ZNF562: variants seen among roughly 807,000 people sequenced by gnomAD.
ZNF562 encodes the protein zinc finger protein 562.
A neutral mutation model predicts 17.5 loss-of-function variants in ZNF562; 13 were observed. The observed-to-expected ratio is 0.74, with a 90% CI of 0.48 to 1.18. ZNF562 has a LOEUF of 1.18. Among genes scored for constraint, ZNF562 ranks in the 50% most tolerant of loss-of-function variants. The pLI is 0.00. For missense variants in ZNF562, 481 were observed against 498.5 expected (o/e 0.96, Z 0.33); for synonymous variants, 163 against 165.4 (o/e 0.99, Z 0.11).
In ZNF562 at chr19:9,643,936, AC is replaced by A. The variant is rs1823823789; in HGVS notation, c.*9012del. The stretch of plus-strand genomic sequence containing the variant: ...CTCAGCCTCCCGAGTAGCTAGGAAT[AC>A]ATGCACATGCCACCACGCCCAGCTA... On this transcript the variant is annotated 3_prime_UTR_variant, in exon 6 of 6. Coordinates refer to ENST00000453372, the MANE Select transcript of ZNF562 (RefSeq NM_001130031.2). 1 of 152,014 alleles carries A rather than the reference AC, an allele frequency of 6.6e-6. No individual in the cohort carries two copies. Among genetic ancestry groups the A allele is most frequent in the African/African-American group, 2.4e-5 (1 of 41,402 alleles). 9.4% of individuals were successfully genotyped at this position (152,014 alleles called of 1,614,324 possible).
chr19:9,645,619 C>A lies in ZNF562; in HGVS notation c.*7330G>T, dbSNP rs1309690302. 1 of 152,188 alleles carries A rather than the reference C, an allele frequency of 6.6e-6. No individual in the cohort carries two copies. Among genetic ancestry groups the A allele is most frequent in the East Asian group, 1.9e-4 (1 of 5,198 alleles). 9.4% of individuals were successfully genotyped at this position (152,188 alleles called of 1,614,324 possible). On this transcript the variant is annotated 3_prime_UTR_variant, in exon 6 of 6. Transcript: ENST00000453372. Reference sequence around the variant, plus strand: ...ATAAAAAGGAGAGAGATTGCACCTTCAGAGAGTAATCTCAAGACATCTGTA... The same window carrying A: ...ATAAAAAGGAGAGAGATTGCACCTTAAGAGAGTAATCTCAAGACATCTGTA...
In ZNF562 at chr19:9,643,015, C is replaced by G. The variant is rs886544529; in HGVS notation, c.*9934G>C. The stretch of plus-strand genomic sequence containing the variant: ...TATGATTGCACCACTGCACTCCAGC[C>G]TAGGTGACATGGCAAGACACTGTCT... On this transcript the variant is annotated 3_prime_UTR_variant, in exon 6 of 6. Coordinates refer to ENST00000453372, the MANE Select transcript of ZNF562 (RefSeq NM_001130031.2). 1 of 148,554 alleles carries G rather than the reference C, an allele frequency of 6.7e-6. No homozygotes were observed. The highest frequency in any genetic ancestry group is 2.5e-5 in the African/African-American group (1 of 39,926). The allele number at this position is 148,554 out of a possible 1,614,324, so 9.2% of individuals were successfully genotyped here.
At chr19:9,654,365 T>C (rs2043380440) in intron 5 of ZNF562, among the ~76,000 whole-genome samples, 1 of 152,182 alleles carries the variant, frequency 6.6e-6, no homozygotes, top group Non-Finnish European at 1.5e-5. Context: ...CATGGCTCAC[T>C]GTAACCTCAA....
At chr19:9,656,276 G>A (rs568932949) in intron 5 of ZNF562, among the ~76,000 whole-genome samples, 4 of 152,278 alleles carry the variant, frequency 2.6e-5, no homozygotes, top group South Asian at 2.1e-4. Context: ...TTGGGAGGTC[G>A]AGGCAGATGG....
chr19:9,653,769 T>C lies in ZNF562; in HGVS notation c.461A>G (p.Glu154Gly). 1 of 1,614,060 alleles carries C rather than the reference T, an allele frequency of 6.2e-7. No individual in the cohort carries two copies. Among genetic ancestry groups the C allele is most frequent in the Middle Eastern group, 1.6e-4 (1 of 6,062 alleles). Residue 154 changes from glutamate (E) to glycine (G), a missense_variant, in exon 6 of 6, where the codon GAG becomes GGG. This residue lies in a region of ZNF562 where 403 missense variants were observed against 386.4 expected (regional missense o/e 1.04). Transcript: ENST00000453372. ...MRAQNGGNTF[E>G]GNCYGKDSIS... ...GCTGTCTTTTCCATAACAATTACCCTCAAAAGTGTTCCCTCCATTCTGAGC... is the reference window on the plus strand; with the variant it reads ...GCTGTCTTTTCCATAACAATTACCCCCAAAAGTGTTCCCTCCATTCTGAGC...
rs2144961517 is a variant in ZNF562 at position 9,653,661 on chromosome 19, C to G, written c.569G>C (p.Gly190Ala). The G allele has an allele frequency of 6.2e-7, 1 of 1,614,050 alleles. No individual in the cohort carries two copies. The highest frequency in any genetic ancestry group is 8.5e-7 in the Non-Finnish European group (1 of 1,179,932). ...GAGAATTTCAAGATGCACAGCAAGG[C>G]CTGGAGTTAAGGTGAAGACTTTTCC... ...PCGKVFTLTP[G>A]LAVHLEILNG... Residue 190 changes from glycine to alanine, a missense_variant, in exon 6 of 6, where the codon GGC (glycine) becomes GCC (alanine). Physicochemically the swap from Gly to Ala is moderately conservative, Grantham distance 60. Transcript: ENST00000453372.
rs1182026026 is a variant in ZNF562, at chr19:9,645,791, A to T, written c.*7158T>A. The T allele has an allele frequency of 6.6e-6, 1 of 152,246 alleles. No individual in the cohort carries two copies. Among genetic ancestry groups the T allele is most frequent in the Admixed American group, 6.5e-5 (1 of 15,280 alleles). The allele number at this position is 152,246 out of a possible 1,614,324, so 9.4% of individuals were successfully genotyped here. On this transcript the variant is annotated 3_prime_UTR_variant, in exon 6 of 6. Coordinates refer to ENST00000453372, the MANE Select transcript of ZNF562 (RefSeq NM_001130031.2). ...TATATGGGAATCACTTTATTCAAACAGTGTAGTGCACTTAGTTAGAAAGAA... is the reference window on the plus strand; with the variant it reads ...TATATGGGAATCACTTTATTCAAACTGTGTAGTGCACTTAGTTAGAAAGAA...
intron 1 of ZNF562, among the ~76,000 whole-genome samples, chr19:9,664,181 G>A (rs1472866890): frequency 1.3e-5 from 2 of 152,166 alleles, no homozygotes; most frequent in Non-Finnish European, 2.9e-5. Flanking sequence ...CTATTCTCCT[G>A]CCTCAGCCTC....
At position 9,653,060 on chromosome 19, in the gene ZNF562, A is replaced by T. The variant is rs2074895056; in HGVS notation, c.1170T>A (p.His390Gln). ...GCTTCTCTCCTGTGTGAATTCTTCT[A>T]TGTTGAGTAAGCGTTGAAGATCTAT... ...AFNRSSTLTQ[H>Q]RRIHTGEKPY... The change falls in exon 6 of 6, where the codon CAT becomes CAA. Residue 390 changes from histidine (H) to glutamine (Q), a missense_variant. Coordinates refer to ENST00000453372, the MANE Select transcript of ZNF562 (RefSeq NM_001130031.2). 1 of 1,605,136 alleles carries T rather than the reference A, an allele frequency of 6.2e-7. No individual in the cohort carries two copies. Among genetic ancestry groups the T allele is most frequent in the African/African-American group, 1.3e-5 (1 of 74,614 alleles).
Position 9,645,942 on chromosome 19 carries a change from G to A in ZNF562, c.*7007C>T, listed in dbSNP as rs1344616814. 3 of 151,850 alleles carry A rather than the reference G, an allele frequency of 2.0e-5. No individual in the cohort carries two copies. The highest frequency in any genetic ancestry group is 1.3e-4 in the Admixed American group (2 of 15,242). 9.4% of individuals were successfully genotyped at this position (151,850 alleles called of 1,614,324 possible). A position where few individuals can be genotyped will look rare whatever the true frequency, so the allele number is the denominator to read the frequency against. ...TGATCAATACACATCAGTACAAAGA[G>A]GGGAACACAATGAAACAAACAAAAA... On this transcript the variant is annotated 3_prime_UTR_variant, in exon 6 of 6. Coordinates refer to ENST00000453372, the MANE Select transcript of ZNF562 (RefSeq NM_001130031.2).
chr19:9,675,043 A>G lies in ZNF562; in HGVS notation c.-159T>C, dbSNP rs1159724262. 1 of 152,268 alleles carries G rather than the reference A, an allele frequency of 6.6e-6. No individual in the cohort carries two copies. The highest frequency in any genetic ancestry group is 3.1e-3 in the Middle Eastern group (1 of 318). 9.4% of individuals were successfully genotyped at this position (152,268 alleles called of 1,614,324 possible). A position where few individuals can be genotyped will look rare whatever the true frequency, so the allele number is the denominator to read the frequency against. On this transcript the variant is annotated 5_prime_UTR_variant, in exon 1 of 6. Coordinates refer to ENST00000453372, the MANE Select transcript of ZNF562 (RefSeq NM_001130031.2). ...AGCGGGGTGGACTCCACCACAATAAAGGTTAAACGGCACTGACCATGCTGA... is the reference window on the plus strand; with the variant it reads ...AGCGGGGTGGACTCCACCACAATAAGGGTTAAACGGCACTGACCATGCTGA...
At position 9,653,203 on chromosome 19, in the gene ZNF562, G is replaced by A. The variant is rs770324201; in HGVS notation, c.1027C>T (p.Pro343Ser). 6 of 1,614,042 alleles carry A rather than the reference G, an allele frequency of 3.7e-6. No individual in the cohort carries two copies. The highest frequency in any genetic ancestry group is 2.2e-5 in the East Asian group (1 of 44,886). Residue 343 changes from proline (P) to serine (S), a missense_variant, in exon 6 of 6, where the codon CCC becomes TCC. Physicochemically the swap from Pro to Ser is moderately conservative, Grantham distance 74. Coordinates refer to ENST00000453372, the MANE Select transcript of ZNF562 (RefSeq NM_001130031.2). ...TGGCCACATTCCTTACATTCATAGG[G>A]TTTTATTCCAGTGTGAGTTCTTACA... ...QHVRTHTGIK[P>S]YECKECGQAF...
In ZNF562 at chr19:9,643,372, A is replaced by G. The variant is rs2074785610; in HGVS notation, c.*9577T>C. The G allele has an allele frequency of 6.6e-6, 1 of 150,606 alleles. No homozygotes were observed. The highest frequency in any genetic ancestry group is 2.1e-4 in the South Asian group (1 of 4,822). 9.3% of individuals were successfully genotyped at this position (150,606 alleles called of 1,614,324 possible). ...CTGTCATTCATAAATAAATAAGTTT[A>G]GAAAAAAAAAATGTGTCTGAAAGGG... On this transcript the variant is annotated 3_prime_UTR_variant, in exon 6 of 6. Transcript: ENST00000453372.
At position 9,653,898 on chromosome 19, in the gene ZNF562, G is replaced by A. The variant is rs369193136; in HGVS notation, c.349-17C>T. On this transcript the variant is annotated splice_polypyrimidine_tract_variant and intron_variant, in intron 5 of 5. Transcript: ENST00000453372. The stretch of plus-strand genomic sequence containing the variant: ...TCTTGTCTGCTGATGAGGGGATAAA[G>A]GATTTAAAATGTTTTCAGACATATT... The A allele has an allele frequency of 2.4e-4, 356 of 1,511,794 alleles. No homozygotes were observed. In the African/African-American group the frequency reaches 4.7e-3, roughly 20 times the overall value. The allele number at this position is 1,511,794 out of a possible 1,614,324, so 93.6% of individuals were successfully genotyped here. A position where few individuals can be genotyped will look rare whatever the true frequency, so the allele number is the denominator to read the frequency against.
chr19:9,671,398 C>A (rs971002925), intron 1 of ZNF562, among the ~76,000 whole-genome samples: 3 of 152,112 alleles, frequency 2.0e-5, no homozygotes, highest in African/African-American at 7.2e-5. Context: ...CCTAATACCA[C>A]CTACCATTAA....
Position 9,645,460 on chromosome 19 carries a change from T to C in ZNF562, c.*7489A>G, listed in dbSNP as rs2074800223. ...AAGGGGTATGTGTATCAGTTGGCCT[T>C]TACTGTGTAATAAACAGCCACAAAA... On this transcript the variant is annotated 3_prime_UTR_variant, in exon 6 of 6. Transcript: ENST00000453372. 2 of 152,158 alleles carry C rather than the reference T, an allele frequency of 1.3e-5. No homozygotes were observed. The highest frequency in any genetic ancestry group is 1.5e-5 in the Non-Finnish European group (1 of 68,022). The allele number at this position is 152,158 out of a possible 1,614,324, so 9.4% of individuals were successfully genotyped here. A position where few individuals can be genotyped will look rare whatever the true frequency, so the allele number is the denominator to read the frequency against.
At chr19:9,669,687 T>C (rs1435599262) in intron 1 of ZNF562, among the ~76,000 whole-genome samples, 1 of 148,932 alleles carries the variant, frequency 6.7e-6, no homozygotes, top group African/African-American at 2.5e-5. Flanking sequence ...TGTCTGAAAC[T>C]GGCAAGACCT....
At chr19:9,668,904 A>C (rs1027011308) in intron 1 of ZNF562, among the ~76,000 whole-genome samples, 1 of 152,186 alleles carries the variant, frequency 6.6e-6, no homozygotes, top group Admixed American at 6.5e-5. Flanking sequence ...TGCTGGGAAA[A>C]CTGGATAACC....
intron 1 of ZNF562, among the ~76,000 whole-genome samples, chr19:9,665,537 C>T (rs1568276739): frequency 1.3e-5 from 2 of 152,168 alleles, no homozygotes; most frequent in South Asian, 2.1e-4. Context: ...GGCAGGACTA[C>T]CATCCCCAGC....
Sources: allele counts gnomAD v4.1 joint callset (sites outside exome capture counted in the v4.1 genomes callset), GRCh38; gene constraint gnomAD v4.1.1; regional missense constraint gnomAD v4.1.1; transcripts MANE v1.5; gene names NCBI Gene and HGNC (gene_info 2026-07-23, HGNC 2026-07-21).